Variants in TMEM132D observed in about 807,000 individuals in gnomAD.
The protein encoded by TMEM132D is mature OL transmembrane protein.
A neutral mutation model predicts 62.3 loss-of-function variants in TMEM132D; 21 were observed. The observed-to-expected ratio is 0.34, with a 90% CI of 0.24 to 0.49. The LOEUF is 0.49. TMEM132D is among the 20% of genes least tolerant of loss of function. TMEM132D has a pLI of 0.99. For synonymous variants in TMEM132D, 621 were observed against 575.6 expected (o/e 1.08, Z -1.13); for missense variants, 1,346 against 1,402.8 (o/e 0.96, Z 0.65).
At chr12:129,502,048 G>A (rs889498091) in intron 3 of TMEM132D, among the ~76,000 whole-genome samples, 2 of 151,636 alleles carry the variant, frequency 1.3e-5, no homozygotes, top group Non-Finnish European at 2.9e-5. Context: ...TCGTCCAGGT[G>A]GAGTGCAGTG....
chr12:129,406,686 C>G (rs1209268982), intron 3 of TMEM132D, among the ~76,000 whole-genome samples: 1 of 151,940 alleles, frequency 6.6e-6, no homozygotes, highest in Non-Finnish European at 1.5e-5. Flanking sequence ...GGCAAGCACA[C>G]GGACTTTCAC....
intron 1 of TMEM132D, among the ~76,000 whole-genome samples, chr12:129,739,716 G>C (rs1311654015): frequency 6.6e-6 from 1 of 152,134 alleles, no homozygotes; most frequent in African/African-American, 2.4e-5. Context: ...TGCACCAACT[G>C]GGCTTCCTCA....
intron 3 of TMEM132D, among the ~76,000 whole-genome samples, chr12:129,355,290 C>CT (rs200532782): frequency 0.017 from 2,627 of 151,312 alleles, 70 homozygotes; most frequent in African/African-American, 0.06. Context: ...TACCTGTATG[C>CT]TTTTTTTTTC....
At chr12:129,206,804 G>C (rs997009869) in intron 5 of TMEM132D, among the ~76,000 whole-genome samples, 2 of 152,138 alleles carry the variant, frequency 1.3e-5, no homozygotes, top group Non-Finnish European at 2.9e-5. Flanking sequence ...CCTTTGCAGG[G>C]ACATGGATGG....
intron 3 of TMEM132D, among the ~76,000 whole-genome samples, chr12:129,500,655 G>C (rs1282270691): frequency 6.6e-6 from 1 of 152,112 alleles, no homozygotes; most frequent in Non-Finnish European, 1.5e-5. Context: ...CATCACTTTA[G>C]GCACAATGAC....
intron 2 of TMEM132D, among the ~76,000 whole-genome samples, chr12:129,639,382 T>TAA (rs34476667): frequency 0.027 from 2,454 of 90,372 alleles, 52 homozygotes; most frequent in African/African-American, 0.049. Flanking sequence ...GACTCTGTCT[T>TAA]AAAAAAAAAA....
intron 1 of TMEM132D, among the ~76,000 whole-genome samples, chr12:129,727,420 T>C (rs139646642): frequency 6.6e-6 from 1 of 152,272 alleles, no homozygotes; most frequent in Non-Finnish European, 1.5e-5. Context: ...ACGACAATGG[T>C]ACCAATCCAT....
At chr12:129,511,657 A>G (rs1028898566) in intron 3 of TMEM132D, among the ~76,000 whole-genome samples, 1 of 152,138 alleles carries the variant, frequency 6.6e-6, no homozygotes, top group East Asian at 1.9e-4. Flanking sequence ...CTCTGTTCAA[A>G]TATGTTGCCC....
At chr12:129,864,382 T>C (rs1452866133) in intron 1 of TMEM132D, among the ~76,000 whole-genome samples, 2 of 152,216 alleles carry the variant, frequency 1.3e-5, no homozygotes, top group East Asian at 3.8e-4. Flanking sequence ...CAAAATCATA[T>C]GTAACTATCC....
chr12:129,867,290 C>T lies in TMEM132D; in HGVS notation c.79+35971G>A, dbSNP rs1455319344. ...AAGAAAAAGAAAGAAAGAAATCCTG[C>T]CATTTGCAACAATATATACATGACA... On this transcript the variant is annotated intron_variant, in intron 1 of 8. Transcript: ENST00000422113. The surrounding 1 kb of genome is among the most constrained non-coding windows in gnomAD (Gnocchi z 4.5). Among the ~76,000 whole-genome samples the T allele has an allele frequency of 6.6e-6, 1 of 151,806 alleles. No individual in the cohort carries two copies. The highest frequency in any genetic ancestry group is 2.4e-5 in the African/African-American group (1 of 41,332).
At chr12:129,576,048 A>ATGT in intron 2 of TMEM132D, among the ~76,000 whole-genome samples, 1 of 4,052 alleles carries the variant, frequency 2.5e-4, no homozygotes, top group Non-Finnish European at 6.9e-4. Context: ...TGCTGGGATT[A>ATGT]CAGGCGTGAG....
At chr12:129,408,015 G>C (rs549687219) in intron 3 of TMEM132D, among the ~76,000 whole-genome samples, 1 of 152,172 alleles carries the variant, frequency 6.6e-6, no homozygotes, top group African/African-American at 2.4e-5. Flanking sequence ...TTACCCTGGG[G>C]CTTCACTATA....
intron 3 of TMEM132D, among the ~76,000 whole-genome samples, chr12:129,361,032 G>A (rs1870233899): frequency 6.6e-6 from 1 of 152,166 alleles, no homozygotes; most frequent in South Asian, 2.1e-4. Context: ...GGTGCACCGG[G>A]ACACTTCCAC....
At chr12:129,893,363 T>C (rs991662800) in intron 1 of TMEM132D, among the ~76,000 whole-genome samples, 25 of 152,192 alleles carry the variant, frequency 1.6e-4, no homozygotes, top group Non-Finnish European at 1.9e-4. Context: ...AAAATCAGGA[T>C]TATGATTTCT....
intron 5 of TMEM132D, among the ~76,000 whole-genome samples, chr12:129,139,355 A>C (rs1387246519): frequency 6.6e-6 from 1 of 152,238 alleles, no homozygotes; most frequent in East Asian, 1.9e-4. Context: ...CTCTCAGTAC[A>C]GCATGGGCAT....
intron 3 of TMEM132D, among the ~76,000 whole-genome samples, chr12:129,454,354 T>C (rs1328502494): frequency 6.6e-6 from 1 of 152,174 alleles, no homozygotes; most frequent in Non-Finnish European, 1.5e-5. Context: ...AGGTGACAGA[T>C]GTGGGAACCA....
chr12:129,136,354 A>G (rs965511283), intron 5 of TMEM132D, among the ~76,000 whole-genome samples: 3 of 152,006 alleles, frequency 2.0e-5, no homozygotes, highest in African/African-American at 7.2e-5. Context: ...CTCCTTATTC[A>G]CCTTCAATCT....
At chr12:129,464,322 GT>G (rs1391964516) in intron 3 of TMEM132D, among the ~76,000 whole-genome samples, 2 of 152,076 alleles carry the variant, frequency 1.3e-5, no homozygotes, top group Admixed American at 6.6e-5. Flanking sequence ...TGATGGGGTT[GT>G]TTTTTTCTTG....
At chr12:129,417,374 A>G (rs1049161563) in intron 3 of TMEM132D, among the ~76,000 whole-genome samples, 5 of 152,166 alleles carry the variant, frequency 3.3e-5, no homozygotes, top group African/African-American at 1.2e-4. Context: ...GGAACAGAAC[A>G]GAGGCCTCAG....
Sources: allele counts gnomAD v4.1 joint callset (sites outside exome capture counted in the v4.1 genomes callset), GRCh38; gene constraint gnomAD v4.1.1; non-coding constraint Gnocchi (gnomAD v3.1); transcripts MANE v1.5; gene names NCBI Gene and HGNC (gene_info 2026-07-23, HGNC 2026-07-21).